Variants in DUS2 observed in about 807,000 individuals in gnomAD.
The protein encoded by DUS2 is tRNA-dihydrouridine(20) synthase [NAD(P)+]-like.
A neutral mutation model predicts 71.3 loss-of-function variants in DUS2; 52 were observed. The ratio of observed to expected loss-of-function variants is 0.73; its 90% CI spans 0.58 to 0.92. The LOEUF (loss-of-function observed/expected upper bound fraction) is 0.92. Among genes scored for constraint, DUS2 ranks in the 40% least tolerant of loss-of-function variants. DUS2 has a pLI of 0.00. For synonymous variants in DUS2, 204 were observed against 227.8 expected (o/e 0.90, Z 0.94); for missense variants, 558 against 622.6 (o/e 0.90, Z 1.10).
intron 4 of DUS2, 135 bp from the exon 5 acceptor site, chr16:68,053,429 T>G: frequency 1.3e-6 from 1 of 743,368 alleles, no homozygotes; most frequent in Non-Finnish European, 2.3e-6. Context: ...TAGTTATTTT[T>G]GGTAAGAATG....
intron 3 of DUS2, among the ~76,000 whole-genome samples, chr16:68,041,405 TC>T (rs1420924954): frequency 6.6e-6 from 1 of 152,142 alleles, no homozygotes; most frequent in Non-Finnish European, 1.5e-5. Flanking sequence ...ATTCTGGTGT[TC>T]CTGTCTGTGA....
chr16:68,070,647 T>C (rs1050680381), intron 11 of DUS2, among the ~76,000 whole-genome samples: 4 of 152,220 alleles, frequency 2.6e-5, no homozygotes, highest in African/African-American at 9.6e-5. Context: ...TATGGACCCA[T>C]GTCTCCAGAT....
chr16:68,029,228 T>C (rs1288700710), intron 2 of DUS2, among the ~76,000 whole-genome samples: 2 of 151,890 alleles, frequency 1.3e-5, no homozygotes, highest in African/African-American at 2.4e-5. Flanking sequence ...CTATATCACC[T>C]CTTTCTCCTC....
chr16:68,054,686 G>A, intron 6 of DUS2, 69 bp downstream of exon 6: 2 of 1,582,238 alleles, frequency 1.3e-6, no homozygotes, highest in Non-Finnish European at 1.7e-6. Context: ...TAATGTCCTG[G>A]TGACTTTGTA....
intron 8 of DUS2, among the ~76,000 whole-genome samples, chr16:68,062,185 A>G (rs1033395556): frequency 6.6e-6 from 1 of 151,748 alleles, no homozygotes; most frequent in Non-Finnish European, 1.5e-5. Flanking sequence ...TAATTTTTGT[A>G]TTTTTAGTAG....
At chr16:68,047,575 C>T (rs1026675079) in intron 3 of DUS2, among the ~76,000 whole-genome samples, 3 of 151,558 alleles carry the variant, frequency 2.0e-5, no homozygotes, top group Non-Finnish European at 4.4e-5. Flanking sequence ...CCTCCGCCTC[C>T]CTGGTTCAAG....
rs376996569 is a variant in DUS2 at position 68,078,863 on chromosome 16, G to A, written c.1359G>A (p.Arg453=). 1 of 1,613,768 alleles carries A rather than the reference G, an allele frequency of 6.2e-7. No homozygotes were observed. The highest frequency in any genetic ancestry group is 1.3e-5 in the African/African-American group (1 of 74,926). The part of the protein sequence containing the change: ...EESPSLHKRK[R]EAPDQDPGGP... Reference sequence around the variant, plus strand: ...GCCCTTCCTTGCACAAGCGAAAGAGGGAGGCTCCTGACCAAGACCCTGGGG... The same window carrying A: ...GCCCTTCCTTGCACAAGCGAAAGAGAGAGGCTCCTGACCAAGACCCTGGGG... The change falls in exon 17 of 17, where the codon AGG becomes AGA. Residue 453 remains arginine, a synonymous_variant. Transcript: ENST00000565263.
chr16:68,060,452 T>G (rs2033923621), intron 7 of DUS2, among the ~76,000 whole-genome samples: 1 of 152,032 alleles, frequency 6.6e-6, no homozygotes, highest in Non-Finnish European at 1.5e-5. Context: ...TAGCTGGGAC[T>G]ACAGGCACAC....
At chr16:68,045,753 T>G (rs1244688048) in intron 3 of DUS2, among the ~76,000 whole-genome samples, 2 of 151,132 alleles carry the variant, frequency 1.3e-5, no homozygotes, top group African/African-American at 2.4e-5. Context: ...GGAGTTTTGC[T>G]CTTGTTGCCC....
intron 2 of DUS2, among the ~76,000 whole-genome samples, chr16:68,033,494 A>C (rs1020049517): frequency 6.6e-6 from 1 of 151,410 alleles, no homozygotes; most frequent in Admixed American, 6.6e-5. Flanking sequence ...TTAAAAAAAA[A>C]TTTTTTTTGA....
At chr16:68,043,960 G>A (rs548632920) in intron 3 of DUS2, among the ~76,000 whole-genome samples, 8 of 152,184 alleles carry the variant, frequency 5.3e-5, no homozygotes, top group African/African-American at 1.9e-4. Context: ...CCACTGCACC[G>A]GGTCTGTGCT....
At chr16:68,057,880 CAA>C (rs5817628) in intron 7 of DUS2, among the ~76,000 whole-genome samples, 1,502 of 92,122 alleles carry the variant, frequency 0.016, 24 homozygotes, top group African/African-American at 0.053. Flanking sequence ...AAATCTGTCT[CAA>C]AAAAAAAAAA....
chr16:68,056,296 T>C, intron 6 of DUS2, 68 bp from the exon 7 acceptor site: 1 of 1,385,934 alleles, frequency 7.2e-7, no homozygotes, highest in Non-Finnish European at 1.0e-6. Context: ...GGCCCATCCA[T>C]GCCTTTAATT....
At position 68,067,661 on chromosome 16, in the gene DUS2, ATTG is replaced by A. The variant is rs748980813; in HGVS notation, c.554+1037_554+1039del. 1.5e-4 allele frequency among the ~76,000 whole-genome samples: 22 copies of A among 151,074 alleles called. No homozygotes were observed. The Middle Eastern group carries it at 0.011, about 73-fold the overall frequency. ...AGACTGCTTTGTTTATGTGTTTTTC[ATTG>A]TTGTTGTTGTTTTTTGAGACAGTCT... is the stretch of plus-strand genomic sequence containing the variant. On this transcript the variant is annotated intron_variant, in intron 10 of 16. Coordinates refer to ENST00000565263, the MANE Select transcript of DUS2 (RefSeq NM_017803.5).
chr16:68,078,600 G>GGAGGGTTGGGTA (rs2034192464), intron 16 of DUS2, 82 bp downstream of exon 16: 4 of 1,543,192 alleles, frequency 2.6e-6, no homozygotes, highest in Non-Finnish European at 3.6e-6. Context: ...CATTGTCCTA[G>GGAGGGTTGGGTA]GAGGGTTGGG....
intron 2 of DUS2, among the ~76,000 whole-genome samples, chr16:68,034,073 T>C (rs947941393): frequency 1.3e-5 from 2 of 150,998 alleles, no homozygotes; most frequent in Admixed American, 6.6e-5. Context: ...TGGCCTAGTT[T>C]TATTTTTATT....
chr16:68,076,518 G>A (rs1388292142), intron 14 of DUS2, 114 bp from the exon 15 acceptor site: 15 of 731,576 alleles, frequency 2.1e-5, no homozygotes, highest in African/African-American at 3.6e-5. Flanking sequence ...GCAGCAGCTC[G>A]GTGTCTCAGT....
chr16:68,038,450 C>T (rs985262679), intron 3 of DUS2, among the ~76,000 whole-genome samples: 2 of 152,090 alleles, frequency 1.3e-5, no homozygotes, highest in African/African-American at 4.8e-5. Flanking sequence ...ATAAAAGAGG[C>T]CTGGCACAGT....
At chr16:68,041,228 A>G (rs888149030) in intron 3 of DUS2, among the ~76,000 whole-genome samples, 11 of 152,086 alleles carry the variant, frequency 7.2e-5, no homozygotes, top group African/African-American at 2.2e-4. Context: ...AAAACAAAAC[A>G]CAACCCACAA....
Sources: allele counts gnomAD v4.1 joint callset (sites outside exome capture counted in the v4.1 genomes callset), GRCh38; gene constraint gnomAD v4.1.1; transcripts MANE v1.5; gene names NCBI Gene and HGNC (gene_info 2026-07-23, HGNC 2026-07-21).